Variants in CSMD3 observed in about 807,000 individuals in gnomAD.
The protein encoded by CSMD3 is CUB and sushi domain-containing protein 3.
CSMD3 carries 177 observed loss-of-function variants against 435.2 expected under a neutral mutation model. That is an observed-to-expected ratio of 0.41 (90% confidence interval 0.36 to 0.46). The LOEUF (loss-of-function observed/expected upper bound fraction) is 0.46, where lower values mean the gene tolerates loss of function less well. CSMD3 is among the 20% of genes least tolerant of loss of function. The probability of loss-of-function intolerance (pLI) is 0.34; values close to 1 mark genes in which losing one functional copy is unlikely to be tolerated. For missense variants in CSMD3, 4,265 were observed against 4,504.6 expected, an observed-to-expected ratio of 0.95 and a Z score of 1.52; for synonymous variants, 1,656 against 1,520.5, an observed-to-expected ratio of 1.09 and a Z score of -2.07.
At chr8:113,344,851 T>A (rs1472347779) in intron 1 of CSMD3, among the ~76,000 whole-genome samples, 1 of 152,090 alleles carries the variant, frequency 6.6e-6, no homozygotes, top group African/African-American at 2.4e-5. Flanking sequence ...CATGTTAAAA[T>A]AACTTTACCT....
intron 5 of CSMD3, among the ~76,000 whole-genome samples, chr8:113,083,158 C>T (rs2089632064): frequency 1.3e-5 from 2 of 151,754 alleles, no homozygotes; most frequent in African/African-American, 4.8e-5. Flanking sequence ...TTGAAGAGGA[C>T]CACAGAAATG....
At position 112,421,657 on chromosome 8, in the gene CSMD3, T is replaced by C. The variant is rs184510795; in HGVS notation, c.5396-12625A>G. ...ATATGTAATAATATATGTATATATG[T>C]AATATGTTATATATATTACATATAT... On this transcript the variant is annotated intron_variant, in intron 32 of 70. Transcript: ENST00000297405. 7.3e-4 allele frequency among the ~76,000 whole-genome samples: 108 copies of C among 147,718 alleles called. 1 individual carries two copies. Among genetic ancestry groups the C allele is most frequent in the Non-Finnish European group, 4.2e-4 (28 of 67,182 alleles).
Position 112,247,141 on chromosome 8 carries a change from A to G in CSMD3, c.10111-10T>C. On this transcript the variant is annotated splice_polypyrimidine_tract_variant and intron_variant, in intron 63 of 70. Transcript: ENST00000297405. ...GTACAACACTTCCTACCTATAGCAAATTAAAGAGAGGAAAAAAATATTCCC... is the reference window on the plus strand; with the variant it reads ...GTACAACACTTCCTACCTATAGCAAGTTAAAGAGAGGAAAAAAATATTCCC... 1.3e-6 allele frequency: 2 copies of G among 1,569,394 alleles called. No individual in the cohort carries two copies. The highest frequency in any genetic ancestry group is 1.1e-5 in the South Asian group (1 of 90,050).
intron 61 of CSMD3, among the ~76,000 whole-genome samples, chr8:112,263,390 G>C (rs936658040): frequency 2.6e-5 from 4 of 152,030 alleles, no homozygotes; most frequent in South Asian, 2.1e-4. Context: ...TAAATTTAAG[G>C]CTGTCTCTAA....
rs1474131212 is a variant in CSMD3 at position 112,467,506 on chromosome 8, G to T, written c.5395+5085C>A. On this transcript the variant is annotated intron_variant, in intron 32 of 70. Transcript: ENST00000297405. ...TGCTTTATACAGCAACTTATATTAA[G>T]ATTTTCTACATAAAATTATGTATAT... 2.0e-5 allele frequency among the ~76,000 whole-genome samples: 3 copies of T among 148,804 alleles called. No individual in the cohort carries two copies. In the East Asian group the frequency reaches 6.1e-4, roughly 30 times the overall value.
At chr8:112,769,221 A>G (rs1005193703) in intron 13 of CSMD3, among the ~76,000 whole-genome samples, 2 of 151,924 alleles carry the variant, frequency 1.3e-5, no homozygotes, top group African/African-American at 4.8e-5. Context: ...TATCAGCCAG[A>G]GTGATCTCTG....
intron 9 of CSMD3, among the ~76,000 whole-genome samples, chr8:112,927,158 A>G (rs572628263): frequency 2.0e-4 from 31 of 152,272 alleles, no homozygotes; most frequent in Admixed American, 7.8e-4. Flanking sequence ...AAAAATGAGT[A>G]ATTGCACATT....
chr8:112,961,321 T>G (rs942138288), intron 7 of CSMD3, among the ~76,000 whole-genome samples: 1 of 151,800 alleles, frequency 6.6e-6, no homozygotes, highest in Admixed American at 6.6e-5. Flanking sequence ...ACTTTTCTAT[T>G]TAAAGTTAGA....
At chr8:112,292,496 T>C (rs2130686654) in intron 55 of CSMD3, 41 bp downstream of exon 55, 1 of 1,596,644 alleles carries the variant, frequency 6.3e-7, no homozygotes, top group South Asian at 1.1e-5. Flanking sequence ...ATGTGAATAT[T>C]ATTATCATGC....
intron 41 of CSMD3, among the ~76,000 whole-genome samples, chr8:112,344,382 C>T (rs56367843): frequency 0.18 from 27,347 of 152,124 alleles, 3,040 homozygotes; most frequent in Middle Eastern, 0.35. Context: ...CATTGCCATA[C>T]ATTTTATCTC....
intron 12 of CSMD3, among the ~76,000 whole-genome samples, chr8:112,805,105 G>A (rs1488919825): frequency 6.6e-6 from 1 of 152,018 alleles, no homozygotes; most frequent in African/African-American, 2.4e-5. Flanking sequence ...CCTCATATTG[G>A]GAATAGGTTT....
chr8:112,464,596 G>T (rs1295532043), intron 32 of CSMD3, among the ~76,000 whole-genome samples: 1 of 152,148 alleles, frequency 6.6e-6, no homozygotes, highest in East Asian at 1.9e-4. Flanking sequence ...ACAGGTTGAA[G>T]AAATACAAAA....
chr8:113,070,563 C>A (rs2089066028), intron 5 of CSMD3, among the ~76,000 whole-genome samples: 1 of 151,970 alleles, frequency 6.6e-6, no homozygotes, highest in Non-Finnish European at 1.5e-5. Flanking sequence ...ACATATTCAT[C>A]TTGCATAAAT....
intron 2 of CSMD3, among the ~76,000 whole-genome samples, chr8:113,279,289 C>G (rs1189048956): frequency 6.8e-6 from 1 of 147,278 alleles, no homozygotes; most frequent in Non-Finnish European, 1.5e-5. Flanking sequence ...ACAGAAGAGC[C>G]AGGTCTAAGA....
At chr8:113,323,033 C>G (rs2093959736) in intron 1 of CSMD3, among the ~76,000 whole-genome samples, 2 of 152,180 alleles carry the variant, frequency 1.3e-5, no homozygotes, top group Admixed American at 6.5e-5. Context: ...CAGGCGTGAG[C>G]CACCACACCC....
At chr8:112,512,712 T>C (rs1352364632) in intron 28 of CSMD3, among the ~76,000 whole-genome samples, 5 of 152,206 alleles carry the variant, frequency 3.3e-5, no homozygotes. Context: ...CAGCCTGTCC[T>C]TTGAAGCTTT....
chr8:112,496,316 A>G (rs922676543), intron 30 of CSMD3, among the ~76,000 whole-genome samples: 1 of 152,134 alleles, frequency 6.6e-6, no homozygotes, highest in African/African-American at 2.4e-5. Context: ...GGTGAGAATG[A>G]GGAGAAAAGA....
At chr8:113,135,856 C>G (rs1488234218) in intron 4 of CSMD3, among the ~76,000 whole-genome samples, 2 of 151,600 alleles carry the variant, frequency 1.3e-5, no homozygotes, top group Non-Finnish European at 2.9e-5. Flanking sequence ...TGAATTAAGC[C>G]TTAAAATACG....
chr8:112,951,157 G>A (rs2083794986), intron 8 of CSMD3, among the ~76,000 whole-genome samples: 1 of 151,762 alleles, frequency 6.6e-6, no homozygotes, highest in Non-Finnish European at 1.5e-5. Context: ...ATGTATTTCA[G>A]AATTGCCCAT....
Sources: gnomAD v4.1 joint callset for allele counts (sites outside exome capture counted in the v4.1 genomes callset) on GRCh38, gnomAD v4.1.1 for gene constraint, MANE v1.5 for transcripts, NCBI Gene and HGNC (gene_info 2026-07-23, HGNC 2026-07-21) for gene names.